Variants in RNF44 observed in about 807,000 individuals in gnomAD.
The protein encoded by RNF44 is ring finger protein 44.
In RNF44, 25 loss-of-function variants were observed where a neutral mutation model predicts 53.6. The observed-to-expected ratio is 0.47, with a 90% CI of 0.34 to 0.65. The LOEUF (loss-of-function observed/expected upper bound fraction) is 0.65, where lower values mean the gene tolerates loss of function less well. Among genes scored for constraint, RNF44 ranks in the 30% least tolerant of loss-of-function variants. The pLI, the probability that RNF44 is intolerant of heterozygous loss-of-function variation, is 0.01. For synonymous variants in RNF44, 282 were observed against 252.2 expected (o/e 1.12, Z -1.12); for missense variants, 581 against 595.5 (o/e 0.98, Z 0.25).
At chr5:176,530,764 TC>T in intron 5 of RNF44, 21 bp from the exon 6 acceptor site, 1 of 1,512,192 alleles carries the variant, frequency 6.6e-7, no homozygotes, top group South Asian at 1.3e-5. Context: ...CAGCGCCGGG[TC>T]AGCAAGTCAG....
chr5:176,533,954 G>A (rs1313053061), intron 1 of RNF44, among the ~76,000 whole-genome samples: 1 of 152,202 alleles, frequency 6.6e-6, no homozygotes, highest in Non-Finnish European at 1.5e-5. Flanking sequence ...AGCTTTCAAT[G>A]TCACCTCCCT....
In RNF44 at chr5:176,530,544, T is replaced by C. The variant is rs111526683; in HGVS notation, c.801+38A>G. The C allele has an allele frequency of 3.0e-4, 420 of 1,387,016 alleles. 1 individual carries two copies. Among genetic ancestry groups the C allele is most frequent in the African/African-American group, 2.6e-3 (166 of 64,958 alleles). 85.9% of individuals were successfully genotyped at this position (1,387,016 alleles called of 1,614,324 possible). A position where few individuals can be genotyped will look rare whatever the true frequency, so the allele number is the denominator to read the frequency against. Reference sequence around the variant, plus strand: ...CGGCCCAGCGGGTCTGCCTCCCAGCTGCCCTGGAGCCCAGGTGGGGGTCGG... The same window carrying C: ...CGGCCCAGCGGGTCTGCCTCCCAGCCGCCCTGGAGCCCAGGTGGGGGTCGG... On this transcript the variant is annotated intron_variant, in intron 6 of 10. Coordinates refer to ENST00000274811, the MANE Select transcript of RNF44 (RefSeq NM_014901.5).
upstream of RNF44, among the ~76,000 whole-genome samples, chr5:176,539,298 G>C (rs1031195666): frequency 1.3e-5 from 2 of 152,186 alleles, no homozygotes; most frequent in African/African-American, 2.4e-5. Context: ...GGCTATACAA[G>C]GTTATGTCTT....
rs113493498 is a variant in RNF44 at position 176,528,664 on chromosome 5, T to C, written c.*364A>G. 385 of 307,250 alleles carry C rather than the reference T, an allele frequency of 1.3e-3. 2 individuals carry two copies. The highest frequency in any genetic ancestry group is 8.0e-3 in the African/African-American group (371 of 46,096). The allele number at this position is 307,250 out of a possible 1,614,324, so 19.0% of individuals were successfully genotyped here. A position where few individuals can be genotyped will look rare whatever the true frequency, so the allele number is the denominator to read the frequency against. ...CCTTCTGACCCAGGATGGTGCTCTG[T>C]CTGCCCATCCTGGGGCCAAGGATCT... is the stretch of plus-strand genomic sequence containing the variant. On this transcript the variant is annotated 3_prime_UTR_variant, in exon 11 of 11. Transcript: ENST00000274811.
chr5:176,531,404 C>A lies in RNF44; in HGVS notation c.465+59G>T. The A allele has an allele frequency of 6.7e-7, 1 of 1,501,000 alleles. No individual in the cohort carries two copies. The highest frequency in any genetic ancestry group is 2.0e-5 in the Admixed American group (1 of 49,442). 93.0% of individuals were successfully genotyped at this position (1,501,000 alleles called of 1,614,324 possible). On this transcript the variant is annotated intron_variant, in intron 4 of 10. Transcript: ENST00000274811. This position sits in a 1 kb window ranked among gnomAD's most constrained non-coding sequence, Gnocchi z 4.2. ...CAGGGCTGCCCTGGGCCCGCTGAGC[C>A]GCTGGCCTGTGCCTGGGGCTTGCAG...
At position 176,529,714 on chromosome 5, in the gene RNF44, A is replaced by G; in HGVS notation, c.1014+17T>C. 5 of 1,610,680 alleles carry G rather than the reference A, an allele frequency of 3.1e-6. No homozygotes were observed. Among genetic ancestry groups the G allele is most frequent in the East Asian group, 2.2e-5 (1 of 44,788 alleles). ...GGTCTCCCAAACCCCACCTCCCAGC[A>G]TGGGGCTCCATGGGACCTCATAGTT... is the stretch of plus-strand genomic sequence containing the variant. On this transcript the variant is annotated intron_variant, in intron 8 of 10. Transcript: ENST00000274811.
chr5:176,536,643 C>T (rs530984277), intron 1 of RNF44, among the ~76,000 whole-genome samples: 17 of 152,300 alleles, frequency 1.1e-4, no homozygotes, highest in Non-Finnish European at 1.9e-4. Context: ...GGATCCCGGA[C>T]CATGTGCTCG....
In RNF44 at chr5:176,530,965, G is replaced by A; in HGVS notation, c.522C>T (p.His174=). The change falls in exon 5 of 11, where the codon CAC becomes CAT. Residue 174 remains histidine, a synonymous_variant. Transcript: ENST00000274811. ...QLPVPYQAYP[H]LISSDHYILH... Reference sequence around the variant, plus strand: ...GGATGTAGTGGTCACTGGAGATGAGGTGGGGGTAGGCCTGATAGGGCACAG... The same window carrying A: ...GGATGTAGTGGTCACTGGAGATGAGATGGGGGTAGGCCTGATAGGGCACAG... 1.4e-6 allele frequency: 2 copies of A among 1,459,796 alleles called. No homozygotes were observed. The highest frequency in any genetic ancestry group is 3.1e-5 in the South Asian group (2 of 65,040). 90.4% of individuals were successfully genotyped at this position (1,459,796 alleles called of 1,614,324 possible).
chr5:176,532,477 G>A lies in RNF44; in HGVS notation c.-5C>T. 2 of 1,576,784 alleles carry A rather than the reference G, an allele frequency of 1.3e-6. No individual in the cohort carries two copies. Among genetic ancestry groups the A allele is most frequent in the Non-Finnish European group, 1.7e-6 (2 of 1,165,628 alleles). On this transcript the variant is annotated 5_prime_UTR_variant, in exon 2 of 11. Transcript: ENST00000274811. ...TGCCAGAGCCCATGGTCGCATCGGG[G>A]GGGCAGGGGGGTGGAGGGGCTGGGC...
At chr5:176,533,919 A>C (rs189136669) in intron 1 of RNF44, among the ~76,000 whole-genome samples, 14 of 152,228 alleles carry the variant, frequency 9.2e-5, no homozygotes, top group Non-Finnish European at 5.9e-5. Context: ...CCATCTAACA[A>C]AACTCCTATG....
At chr5:176,530,417 G>GGGGGT (rs1756511662) in intron 6 of RNF44, among the ~76,000 whole-genome samples, 165 bp downstream of exon 6, 3 of 121,118 alleles carry the variant, frequency 2.5e-5, no homozygotes, top group Non-Finnish European at 5.7e-5. Context: ...GAGCCCAGGT[G>GGGGGT]CAAGTCAGCC....
Position 176,529,783 on chromosome 5 carries a change from G to A in RNF44, c.962C>T (p.Pro321Leu). The stretch of plus-strand genomic sequence containing the variant: ...CACGTCCAGGTCCAGGCTGATGGTG[G>A]GCCCCATTGCTGTTGGTGACATTGG... ...MLPMSPTAMG[P>L]TISLDLDVDD... Residue 321 changes from proline (P) to leucine (L), a missense_variant, in exon 8 of 11, where the codon CCC (proline) becomes CTC (leucine). By Grantham distance (98) the Pro-to-Leu change is moderately conservative. This residue lies in a region of RNF44 where 183 missense variants were observed against 198.6 expected (regional missense o/e 0.92). Coordinates refer to ENST00000274811, the MANE Select transcript of RNF44 (RefSeq NM_014901.5). 6.2e-7 allele frequency: 1 copy of A among 1,610,878 alleles called. No individual in the cohort carries two copies. The highest frequency in any genetic ancestry group is 8.5e-7 in the Non-Finnish European group (1 of 1,178,380).
chr5:176,536,503 C>T (rs1411003513), intron 1 of RNF44, among the ~76,000 whole-genome samples: 1 of 152,152 alleles, frequency 6.6e-6, no homozygotes, highest in Admixed American at 6.5e-5. Context: ...GGGGCCGAGG[C>T]GCGGACACAG....
chr5:176,530,139 G>A lies in RNF44; in HGVS notation c.869C>T (p.Pro290Leu), dbSNP rs1306139844. The A allele has an allele frequency of 1.6e-5, 21 of 1,282,438 alleles. No homozygotes were observed. The highest frequency in any genetic ancestry group is 8.3e-5 in the Admixed American group (2 of 24,090). The allele number at this position is 1,282,438 out of a possible 1,614,324, so 79.4% of individuals were successfully genotyped here. A position where few individuals can be genotyped will look rare whatever the true frequency, so the allele number is the denominator to read the frequency against. ...QRYRLQQPLPPPPPPPPPPPY... is the reference protein window; with the variant it reads ...QRYRLQQPLPLPPPPPPPPPY... The stretch of plus-strand genomic sequence containing the variant: ...TGGTGGGGGTGGGGGTGGGGGCGGC[G>A]GGGGCAGTGGCTGCTGCAGGCGGTA... The change falls in exon 7 of 11, where the codon CCG becomes CTG. Residue 290 changes from proline to leucine, a missense_variant. Around this residue, in one of 3 missense-constraint regions of RNF44, gnomAD observed 183 missense variants for 198.6 expected, o/e 0.92. Coordinates refer to ENST00000274811, the MANE Select transcript of RNF44 (RefSeq NM_014901.5).
rs1291579347 is a variant in RNF44 at position 176,532,038 on chromosome 5, T to C, written c.263A>G (p.Gln88Arg). Residue 88 changes from glutamine (Q) to arginine (R), a missense_variant, in exon 3 of 11, where the codon CAG becomes CGG. Coordinates refer to ENST00000274811, the MANE Select transcript of RNF44 (RefSeq NM_014901.5). Reference protein sequence around the residue: ...GSPRMLHPATQQSPFMVDLHE... With the variant: ...GSPRMLHPATRQSPFMVDLHE... ...GAGATCAACCATGAACGGGCTCTGC[T>C]GGGTGGCTGGGTGCAGCATTCGGGG... The C allele has an allele frequency of 2.5e-6, 4 of 1,611,406 alleles. No homozygotes were observed. In the African/African-American group the frequency reaches 4.0e-5, roughly 16 times the overall value.
chr5:176,528,679 G>A lies in RNF44; in HGVS notation c.*349C>T. On this transcript the variant is annotated 3_prime_UTR_variant, in exon 11 of 11. Coordinates refer to ENST00000274811, the MANE Select transcript of RNF44 (RefSeq NM_014901.5). ...TGGTGCTCTGTCTGCCCATCCTGGG[G>A]CCAAGGATCTCCACCGGCCCCACTG... is the stretch of plus-strand genomic sequence containing the variant. 2.9e-6 allele frequency: 1 copy of A among 339,880 alleles called. No individual in the cohort carries two copies. The highest frequency in any genetic ancestry group is 5.5e-6 in the Non-Finnish European group (1 of 182,974). 21.1% of individuals were successfully genotyped at this position (339,880 alleles called of 1,614,324 possible). A position where few individuals can be genotyped will look rare whatever the true frequency, so the allele number is the denominator to read the frequency against.
chr5:176,531,617 G>C lies in RNF44; in HGVS notation c.311C>G (p.Pro104Arg). Residue 104 changes from proline to arginine, a missense_variant, in exon 4 of 11, where the codon CCT (proline) becomes CGT (arginine). Physicochemically the swap from Pro to Arg is moderately radical, Grantham distance 103. This residue lies in a region of RNF44 where 387 missense variants were observed against 366.0 expected (regional missense o/e 1.06). Transcript: ENST00000274811. The surrounding 1 kb of genome is among the most constrained non-coding windows in gnomAD (Gnocchi z 4.2). ...VDLHEQVHQG[P>R]VPLSYTVTTV... is the part of the protein sequence containing the mutation. ...GGTGACCGTGTAGGACAGAGGGACAGGTCCCTGGTGCACCTGTGGGTGGAG... is the reference window on the plus strand; with the variant it reads ...GGTGACCGTGTAGGACAGAGGGACACGTCCCTGGTGCACCTGTGGGTGGAG... The C allele has an allele frequency of 6.2e-7, 1 of 1,611,128 alleles. No homozygotes were observed. Among genetic ancestry groups the C allele is most frequent in the South Asian group, 1.1e-5 (1 of 90,860 alleles).
chr5:176,541,048 A>G (rs376833612), upstream of RNF44, among the ~76,000 whole-genome samples: 68 of 152,284 alleles, frequency 4.5e-4, no homozygotes, highest in South Asian at 0.012. Context: ...AAGCCCTCAA[A>G]GGGAGACGTC....
chr5:176,531,543 C>A lies in RNF44; in HGVS notation c.385G>T (p.Gly129Cys). 6.2e-7 allele frequency: 1 copy of A among 1,612,076 alleles called. No individual in the cohort carries two copies. Among genetic ancestry groups the A allele is most frequent in the Non-Finnish European group, 8.5e-7 (1 of 1,179,316 alleles). Reference sequence around the variant, plus strand: ...GCTGGGAGCTGCTGGGCACTGCAGCCAGGGATGTGCTGGCCTGTAGGCAAG... The same window carrying A: ...GCTGGGAGCTGCTGGGCACTGCAGCAAGGGATGTGCTGGCCTGTAGGCAAG... ...FPLPTGQHIPGCSAQQLPACS... is the reference protein window; with the variant it reads ...FPLPTGQHIPCCSAQQLPACS... The change falls in exon 4 of 11, where the codon GGC becomes TGC. Residue 129 changes from glycine (G) to cysteine (C), a missense_variant. Gly to Cys is a radical substitution (Grantham distance 159, BLOSUM62 -3). Coordinates refer to ENST00000274811, the MANE Select transcript of RNF44 (RefSeq NM_014901.5). The surrounding 1 kb of genome is among the most constrained non-coding windows in gnomAD (Gnocchi z 4.2).
Sources: gnomAD v4.1 joint callset for allele counts (sites outside exome capture counted in the v4.1 genomes callset) on GRCh38, gnomAD v4.1.1 for gene constraint, gnomAD v4.1.1 regional missense constraint, Gnocchi (gnomAD v3.1) non-coding constraint, MANE v1.5 for transcripts, NCBI Gene and HGNC (gene_info 2026-07-23, HGNC 2026-07-21) for gene names.